The following CENPK variants were observed in gnomAD, a reference collection of about 807,000 sequenced individuals.
CENPK encodes the protein SoxLZ/Sox6-binding protein Solt.
In CENPK, 46 loss-of-function variants were observed where a neutral mutation model predicts 40.9. The ratio of observed to expected loss-of-function variants is 1.13; its 90% CI spans 0.89 to 1.44. The LOEUF is 1.44. CENPK is among the 40% of genes most tolerant of loss of function. The pLI, the probability that CENPK is intolerant of heterozygous loss-of-function variation, is 0.00. For missense variants in CENPK, 288 were observed against 303.5 expected (o/e 0.95, Z 0.38); for synonymous variants, 107 against 104.4 (o/e 1.02, Z -0.15).
At chr5:65,512,391 G>A in the CENPK span, among the ~76,000 whole-genome samples, 6 of 152,048 alleles carry the variant, frequency 3.9e-5, no homozygotes, top group East Asian at 1.9e-4. Context: ...TTTTGTGAAA[G>A]TAAGAGTCAA....
chr5:65,501,229 G>T, the CENPK span, among the ~76,000 whole-genome samples: 1 of 126,460 alleles, frequency 7.9e-6, no homozygotes. Flanking sequence ...ATCCAAGCTG[G>T]AGTGCAATGA....
chr5:65,510,364 G>T, the CENPK span, among the ~76,000 whole-genome samples: 1 of 125,594 alleles, frequency 8.0e-6, no homozygotes, highest in Non-Finnish European at 1.7e-5. Context: ...AGCCTGCTAT[G>T]GTTTGAATGA....
In CENPK at chr5:65,537,312, T is replaced by C. The variant is rs139473509; in HGVS notation, c.288+5490A>G. 4.0e-3 allele frequency among the ~76,000 whole-genome samples: 607 copies of C among 152,250 alleles called. 2 individuals carry two copies. The highest frequency in any genetic ancestry group is 0.037 in the Middle Eastern group (11 of 294). On this transcript the variant is annotated intron_variant, in intron 6 of 10. Transcript: ENST00000396679. ...TTTCTCAGCTATAGGTGAATAAACT[T>C]GTTTTTTTTTGAGACGGAGTCTCGC...
chr5:65,540,894 ACCTCCCAGGCTCAAGCAAT>A (rs1175386912), intron 6 of CENPK, among the ~76,000 whole-genome samples: 3 of 151,026 alleles, frequency 2.0e-5, no homozygotes, highest in Non-Finnish European at 4.4e-5. Context: ...TGCAGCCTCA[ACCTCCCAGGCTCAAGCAAT>A]CCTCCCACCT....
At chr5:65,529,259 G>T in intron 6 of CENPK, 60 bp from the exon 7 acceptor site, 2 of 1,145,754 alleles carry the variant, frequency 1.7e-6, no homozygotes, top group South Asian at 2.8e-5. Flanking sequence ...ATTTCTGAAC[G>T]ATAGTCAAAT....
chr5:65,532,424 T>C (rs937855752), intron 6 of CENPK, among the ~76,000 whole-genome samples: 2 of 152,052 alleles, frequency 1.3e-5, no homozygotes, highest in Non-Finnish European at 2.9e-5. Flanking sequence ...TAACCTTATA[T>C]CAAAGCCTAA....
At chr5:65,551,342 T>C in intron 5 of CENPK, 1 of 430,002 alleles carries the variant, frequency 2.3e-6, no homozygotes, top group South Asian at 3.4e-5. Context: ...TATAATAACG[T>C]CTCCATAATC....
At chr5:65,518,698 T>C in intron 10 of CENPK, 65 bp from the exon 11 acceptor site, 1 of 1,045,708 alleles carries the variant, frequency 9.6e-7, no homozygotes, top group Non-Finnish European at 1.4e-6. Context: ...TATAAGAAAG[T>C]TTTTTGTCAA....
intron 1 of CENPK, among the ~76,000 whole-genome samples, chr5:65,562,390 C>A (rs1371301022): frequency 1.3e-5 from 2 of 152,000 alleles, no homozygotes; most frequent in Non-Finnish European, 2.9e-5. Context: ...ATAATGGGAA[C>A]CTTTGAAATA....
chr5:65,513,734 A>G, downstream of CENPK, among the ~76,000 whole-genome samples: 1 of 152,210 alleles, frequency 6.6e-6, no homozygotes, highest in Non-Finnish European at 1.5e-5. Context: ...TGCATTAGCA[A>G]GAACTTCCAG....
At chr5:65,515,190 T>C (rs2150321433), downstream of CENPK, among the ~76,000 whole-genome samples, 1 of 136,908 alleles carries the variant, frequency 7.3e-6, no homozygotes, top group South Asian at 2.4e-4. Context: ...CTGCTTTTGC[T>C]GCATCTCAAA....
intron 2 of CENPK, among the ~76,000 whole-genome samples, chr5:65,559,897 T>C (rs1255617137): frequency 6.6e-6 from 1 of 151,928 alleles, no homozygotes; most frequent in African/African-American, 2.4e-5. Flanking sequence ...ATATTTTATA[T>C]ATAATACTGT....
chr5:65,496,313 G>C, the CENPK span, among the ~76,000 whole-genome samples: 3 of 152,212 alleles, frequency 2.0e-5, no homozygotes, highest in Admixed American at 1.3e-4. Flanking sequence ...CTATTTCTAG[G>C]AATTTACATA....
At chr5:65,540,129 A>T (rs1747701963) in intron 6 of CENPK, among the ~76,000 whole-genome samples, 1 of 152,208 alleles carries the variant, frequency 6.6e-6, no homozygotes, top group Non-Finnish European at 1.5e-5. Context: ...CATTCTTTAC[A>T]GTAGGGATAG....
chr5:65,521,546 A>C lies in CENPK; in HGVS notation c.598-18T>G. ...ATGTTTTTCTTCAAGAGAAATGTGA[A>C]TAACAAACAATTACCACTTCACTTC... is the stretch of plus-strand genomic sequence containing the variant. On this transcript the variant is annotated intron_variant, in intron 9 of 10. Transcript: ENST00000396679. The C allele has an allele frequency of 6.6e-7, 1 of 1,515,364 alleles. No individual in the cohort carries two copies. The highest frequency in any genetic ancestry group is 9.1e-7 in the Non-Finnish European group (1 of 1,092,964). 93.9% of individuals were successfully genotyped at this position (1,515,364 alleles called of 1,614,324 possible).
downstream of CENPK, among the ~76,000 whole-genome samples, chr5:65,514,405 C>T (rs1409436362): frequency 1.3e-5 from 2 of 151,840 alleles, no homozygotes; most frequent in Non-Finnish European, 2.9e-5. Context: ...GCTGGGATTA[C>T]AGGCGCGTGC....
chr5:65,503,910 CCTCCCAAAGTGCTG>C, the CENPK span, among the ~76,000 whole-genome samples: 1 of 151,862 alleles, frequency 6.6e-6, no homozygotes, highest in Non-Finnish European at 1.5e-5. Context: ...CCCACCTTGG[CCTCCCAAAGTGCTG>C]GGATTACAGG....
chr5:65,541,939 G>A (rs1290793507), intron 6 of CENPK, among the ~76,000 whole-genome samples: 1 of 152,176 alleles, frequency 6.6e-6, no homozygotes, highest in Non-Finnish European at 1.5e-5. Context: ...CACAATTCTG[G>A]CAGCTAGGAA....
chr5:65,505,891 ATTTT>A, the CENPK span, among the ~76,000 whole-genome samples: 1 of 152,078 alleles, frequency 6.6e-6, no homozygotes, highest in South Asian at 2.1e-4. Context: ...ATGCTTCATA[ATTTT>A]TACCTCTTAG....
Sources: allele counts gnomAD v4.1 joint callset (sites outside exome capture counted in the v4.1 genomes callset), GRCh38; gene constraint gnomAD v4.1.1; transcripts MANE v1.5; gene names NCBI Gene and HGNC (gene_info 2026-07-23, HGNC 2026-07-21).